The following GJD3 variants were observed in gnomAD, a reference collection of about 807,000 sequenced individuals.
GJD3 encodes gap junction protein delta 3, also known as gap junction delta-3 protein.
For synonymous variants in GJD3, 217 were observed against 226.7 expected (o/e 0.96, Z 0.38); for missense variants, 421 against 448.5 (o/e 0.94, Z 0.55).
chr17:40,362,899 G>T lies in GJD3; in HGVS notation c.*32C>A. 1 of 1,193,134 alleles carries T rather than the reference G, an allele frequency of 8.4e-7. No homozygotes were observed. 73.9% of individuals were successfully genotyped at this position (1,193,134 alleles called of 1,614,324 possible). On this transcript the variant is annotated 3_prime_UTR_variant, in exon 1 of 1. Transcript: ENST00000578689. ...GCGGAGGTGGCGGGGTCCGGCCCTCGCCGTCCAGTCCGCGCGAGGCGGTGC... is the reference window on the plus strand; with the variant it reads ...GCGGAGGTGGCGGGGTCCGGCCCTCTCCGTCCAGTCCGCGCGAGGCGGTGC...
In GJD3 at chr17:40,360,821, C is replaced by T. The variant is rs2034745911; in HGVS notation, c.*2110G>A. 3.2e-6 allele frequency: 1 copy of T among 316,682 alleles called. No individual in the cohort carries two copies. The highest frequency in any genetic ancestry group is 6.2e-6 in the Non-Finnish European group (1 of 162,008). 19.6% of individuals were successfully genotyped at this position (316,682 alleles called of 1,614,324 possible). ...TGAATACATCTGGAAAACAGCGGCA[C>T]AGCCCCATCTGGGTTTGTGTGGAGG... On this transcript the variant is annotated 3_prime_UTR_variant, in exon 1 of 1. Coordinates refer to ENST00000578689, the MANE Select transcript of GJD3 (RefSeq NM_152219.4).
In GJD3 at chr17:40,363,404, G is replaced by A. The variant is rs2034771199; in HGVS notation, c.412C>T (p.Leu138=). The A allele has an allele frequency of 3.7e-6, 5 of 1,338,100 alleles. No homozygotes were observed. The highest frequency in any genetic ancestry group is 3.9e-5 in the South Asian group (2 of 50,678). 82.9% of individuals were successfully genotyped at this position (1,338,100 alleles called of 1,614,324 possible). The change falls in exon 1 of 1, where the codon CTG becomes TTG. Residue 138 remains leucine (L), a synonymous_variant. Coordinates refer to ENST00000578689, the MANE Select transcript of GJD3 (RefSeq NM_152219.4). The surrounding 1 kb of genome is among the most constrained non-coding windows in gnomAD (Gnocchi z 5.5). The part of the protein sequence containing the change: ...RARRARRCYL[L]SVALRLLAEL... Reference sequence around the variant, plus strand: ...GCCAGCAGGCGCAGCGCCACGCTCAGCAGGTAGCAGCGGCGCGCGCGGCGG... The same window carrying A: ...GCCAGCAGGCGCAGCGCCACGCTCAACAGGTAGCAGCGGCGCGCGCGGCGG...
Position 40,361,698 on chromosome 17 carries a change from A to G in GJD3, c.*1233T>C, listed in dbSNP as rs1270838241. 6.6e-6 allele frequency among the ~76,000 whole-genome samples: 1 copy of G among 152,188 alleles called. No individual in the cohort carries two copies. Among genetic ancestry groups the G allele is most frequent in the East Asian group, 1.9e-4 (1 of 5,190 alleles). On this transcript the variant is annotated 3_prime_UTR_variant, in exon 1 of 1. Transcript: ENST00000578689. ...AGCAGCTCTTCGAATGCCCGCAAGTAGGAAGAAGGGGGTGGTTGGAAGGGA... is the reference window on the plus strand; with the variant it reads ...AGCAGCTCTTCGAATGCCCGCAAGTGGGAAGAAGGGGGTGGTTGGAAGGGA...
Position 40,363,546 on chromosome 17 carries a change from C to G in GJD3, c.270G>C (p.Val90=). 6.3e-7 allele frequency: 1 copy of G among 1,576,768 alleles called. No homozygotes were observed. Among genetic ancestry groups the G allele is most frequent in the South Asian group, 1.2e-5 (1 of 86,110 alleles). The change falls in exon 1 of 1, where the codon GTG becomes GTC. Residue 90 remains valine, a synonymous_variant. Transcript: ENST00000578689. This position sits in a 1 kb window ranked among gnomAD's most constrained non-coding sequence, Gnocchi z 5.5. ...GGTGCATGGAGTAGACGACGAACAG[C>G]ACCGGGGGCGCCGAGAGCAGCAGGA... is the stretch of plus-strand genomic sequence containing the variant. ...FHILLLSAPP[V]LFVVYSMHRA... is the part of the protein sequence containing the mutation.
At position 40,362,919 on chromosome 17, in the gene GJD3, C is replaced by A. The variant is rs2034765006; in HGVS notation, c.*12G>T. The stretch of plus-strand genomic sequence containing the variant: ...CCCTCGCCGTCCAGTCCGCGCGAGG[C>A]GGTGCCCGCCCCTAGATGGCCAGAT... On this transcript the variant is annotated 3_prime_UTR_variant, in exon 1 of 1. Coordinates refer to ENST00000578689, the MANE Select transcript of GJD3 (RefSeq NM_152219.4). 2 of 1,209,616 alleles carry A rather than the reference C, an allele frequency of 1.7e-6. No homozygotes were observed. Among genetic ancestry groups the A allele is most frequent in the Non-Finnish European group, 1.0e-6 (1 of 971,746 alleles). The allele number at this position is 1,209,616 out of a possible 1,614,324, so 74.9% of individuals were successfully genotyped here. A position where few individuals can be genotyped will look rare whatever the true frequency, so the allele number is the denominator to read the frequency against.
rs1220922034 is a variant in GJD3, at chr17:40,363,064, G to A, written c.752C>T (p.Pro251Leu). Reference sequence around the variant, plus strand: ...CGGCTCGGGGCCGGGGCGCCGGGAGGGCAGGGCCGGTGGCGGAGGTGGCGG... The same window carrying A: ...CGGCTCGGGGCCGGGGCGCCGGGAGAGCAGGGCCGGTGGCGGAGGTGGCGG... The part of the protein sequence containing the change: ...PPPPPPPPAL[P>L]SRRPGPEPCA... Residue 251 changes from proline (P) to leucine (L), a missense_variant, in exon 1 of 1, where the codon CCC becomes CTC. By Grantham distance (98) the Pro-to-Leu change is moderately conservative. Transcript: ENST00000578689. This position sits in a 1 kb window ranked among gnomAD's most constrained non-coding sequence, Gnocchi z 5.5. 4.0e-6 allele frequency: 5 copies of A among 1,253,958 alleles called. No homozygotes were observed. The highest frequency in any genetic ancestry group is 4.2e-5 in the Admixed American group (1 of 23,928). 77.7% of individuals were successfully genotyped at this position (1,253,958 alleles called of 1,614,324 possible).
At position 40,363,133 on chromosome 17, in the gene GJD3, T is replaced by C. The variant is rs2034768154; in HGVS notation, c.683A>G (p.Asn228Ser). Residue 228 changes from asparagine to serine, a missense_variant, in exon 1 of 1, where the codon AAC (asparagine) becomes AGC (serine). Physicochemically the swap from Asn to Ser is conservative, Grantham distance 46. Coordinates refer to ENST00000578689, the MANE Select transcript of GJD3 (RefSeq NM_152219.4). The surrounding 1 kb of genome is among the most constrained non-coding windows in gnomAD (Gnocchi z 5.5). ...CTTCTGCGCCTCTTCGTGTGCACGG[T>C]TGCAGCGGTTGTCACGCTCCCCGGC... ...PRAGERDNRC[N>S]RAHEEAQKLL... The C allele has an allele frequency of 2.4e-5, 34 of 1,398,960 alleles. No individual in the cohort carries two copies. The highest frequency in any genetic ancestry group is 6.1e-5 in the East Asian group (2 of 32,662). The allele number at this position is 1,398,960 out of a possible 1,614,324, so 86.7% of individuals were successfully genotyped here.
In GJD3 at chr17:40,361,977, C is replaced by T; in HGVS notation, c.*954G>A. Among the ~76,000 whole-genome samples, 1 of 151,772 alleles carries T rather than the reference C, an allele frequency of 6.6e-6. No homozygotes were observed. The highest frequency in any genetic ancestry group is 1.5e-5 in the Non-Finnish European group (1 of 67,902). ...AGGCTCCCGAGGATTGAGGCCTGCC[C>T]GGGGAAAGGGAGCCTCTCCTCCTCT... is the stretch of plus-strand genomic sequence containing the variant. On this transcript the variant is annotated 3_prime_UTR_variant, in exon 1 of 1. Coordinates refer to ENST00000578689, the MANE Select transcript of GJD3 (RefSeq NM_152219.4).
rs906124847 is a variant in GJD3 at position 40,363,838 on chromosome 17, G to T, written c.-23C>A. 2 of 1,563,718 alleles carry T rather than the reference G, an allele frequency of 1.3e-6. No individual in the cohort carries two copies. Among genetic ancestry groups the T allele is most frequent in the Non-Finnish European group, 1.7e-6 (2 of 1,154,912 alleles). On this transcript the variant is annotated 5_prime_UTR_variant, in exon 1 of 1. Transcript: ENST00000578689. This position sits in a 1 kb window ranked among gnomAD's most constrained non-coding sequence, Gnocchi z 5.5. ...CATGGCGCTGGGGACGCGGGGCGGG[G>T]AGTCAGGGGATGGGGCAAGTCAGGG... is the stretch of plus-strand genomic sequence containing the variant.
rs1232149746 is a variant in GJD3 at position 40,363,056 on chromosome 17, G to A, written c.760C>T (p.Arg254Cys). ...GGGGCGCACGGCTCGGGGCCGGGGC[G>A]CCGGGAGGGCAGGGCCGGTGGCGGA... ...PPPPPALPSR[R>C]PGPEPCAPPA... The change falls in exon 1 of 1, where the codon CGC becomes TGC. Residue 254 changes from arginine to cysteine, a missense_variant. By Grantham distance (180) the Arg-to-Cys change is radical (BLOSUM62 -3). Coordinates refer to ENST00000578689, the MANE Select transcript of GJD3 (RefSeq NM_152219.4). This position sits in a 1 kb window ranked among gnomAD's most constrained non-coding sequence, Gnocchi z 5.5. The A allele has an allele frequency of 9.8e-6, 12 of 1,229,804 alleles. No homozygotes were observed. Among genetic ancestry groups the A allele is most frequent in the Non-Finnish European group, 1.2e-5 (12 of 986,448 alleles). The allele number at this position is 1,229,804 out of a possible 1,614,324, so 76.2% of individuals were successfully genotyped here.
In GJD3 at chr17:40,363,623, A is replaced by G; in HGVS notation, c.193T>C (p.Cys65Arg). The G allele has an allele frequency of 1.2e-6, 2 of 1,604,664 alleles. No individual in the cohort carries two copies. The highest frequency in any genetic ancestry group is 3.3e-4 in the Middle Eastern group (2 of 6,052). The stretch of plus-strand genomic sequence containing the variant: ...GAGACCGGGAAGGCGCGGTCGTAGC[A>G]GGTCTGGCGACAGCCCGGCTGCAGC... ...NTLQPGCRQT[C>R]YDRAFPVSHY... Residue 65 changes from cysteine (C) to arginine (R), a missense_variant, in exon 1 of 1, where the codon TGC (cysteine) becomes CGC (arginine). Transcript: ENST00000578689. This position sits in a 1 kb window ranked among gnomAD's most constrained non-coding sequence, Gnocchi z 5.5.
Position 40,362,268 on chromosome 17 carries a change from CGT to C in GJD3, c.*661_*662del, listed in dbSNP as rs1230539170. 6.6e-6 allele frequency among the ~76,000 whole-genome samples: 1 copy of C among 152,102 alleles called. No homozygotes were observed. Among genetic ancestry groups the C allele is most frequent in the Non-Finnish European group, 1.5e-5 (1 of 68,004 alleles). On this transcript the variant is annotated 3_prime_UTR_variant, in exon 1 of 1. Coordinates refer to ENST00000578689, the MANE Select transcript of GJD3 (RefSeq NM_152219.4). The stretch of plus-strand genomic sequence containing the variant: ...GCAGCCCACACAGAATGGACATGTG[CGT>C]GTGTGCACAATGCACTCACACAAAG...
Position 40,363,545 on chromosome 17 carries a change from G to A in GJD3, c.271C>T (p.Leu91=). Reference sequence around the variant, plus strand: ...CGGTGCATGGAGTAGACGACGAACAGCACCGGGGGCGCCGAGAGCAGCAGG... The same window carrying A: ...CGGTGCATGGAGTAGACGACGAACAACACCGGGGGCGCCGAGAGCAGCAGG... ...HILLLSAPPV[L]FVVYSMHRAG... The change falls in exon 1 of 1, where the codon CTG becomes TTG. Residue 91 remains leucine, a synonymous_variant. Coordinates refer to ENST00000578689, the MANE Select transcript of GJD3 (RefSeq NM_152219.4). The surrounding 1 kb of genome is among the most constrained non-coding windows in gnomAD (Gnocchi z 5.5). 6.3e-7 allele frequency: 1 copy of A among 1,576,324 alleles called. No individual in the cohort carries two copies. Among genetic ancestry groups the A allele is most frequent in the Non-Finnish European group, 8.6e-7 (1 of 1,162,116 alleles).
Position 40,363,641 on chromosome 17 carries a change from G to T in GJD3, c.175C>A (p.Pro59Thr), listed in dbSNP as rs201955556. 944 of 1,605,938 alleles carry T rather than the reference G, an allele frequency of 5.9e-4. 5 individuals carry two copies. Among genetic ancestry groups the T allele is most frequent in the Non-Finnish European group, 3.5e-5 (41 of 1,177,072 alleles). The change falls in exon 1 of 1, where the codon CCG (proline) becomes ACG (threonine). Residue 59 changes from proline to threonine, a missense_variant. By Grantham distance (38) the Pro-to-Thr change is conservative. Transcript: ENST00000578689. The surrounding 1 kb of genome is among the most constrained non-coding windows in gnomAD (Gnocchi z 5.5). ...QEEFVCNTLQ[P>T]GCRQTCYDRA... ...TCGTAGCAGGTCTGGCGACAGCCCGGCTGCAGCGTGTTGCACACGAACTCC... is the reference window on the plus strand; with the variant it reads ...TCGTAGCAGGTCTGGCGACAGCCCGTCTGCAGCGTGTTGCACACGAACTCC...
At position 40,363,428 on chromosome 17, in the gene GJD3, GGGCGCGCAGGGCGCAC is replaced by G. The variant is rs2034771796; in HGVS notation, c.372_387del (p.Cys125AlafsTer9). 6.9e-6 allele frequency: 9 copies of G among 1,302,978 alleles called. No homozygotes were observed. Among genetic ancestry groups the G allele is most frequent in the East Asian group, 3.2e-5 (1 of 31,502 alleles). The allele number at this position is 1,302,978 out of a possible 1,614,324, so 80.7% of individuals were successfully genotyped here. ...AGCAGGTAGCAGCGGCGCGCGCGGC[GGGCGCGCAGGGCGCAC>G]GGCGCGCACTGGGCCTCGGGCAGTC... On this transcript the variant is annotated frameshift_variant, in exon 1 of 1. Transcript: ENST00000578689. LOFTEE classifies it low-confidence loss of function (END_TRUNC). This position sits in a 1 kb window ranked among gnomAD's most constrained non-coding sequence, Gnocchi z 5.5.
Position 40,363,943 on chromosome 17 carries a change from G to T in GJD3, c.-128C>A. 7.6e-7 allele frequency: 1 copy of T among 1,319,972 alleles called. No homozygotes were observed. The highest frequency in any genetic ancestry group is 1.0e-6 in the Non-Finnish European group (1 of 978,228). The allele number at this position is 1,319,972 out of a possible 1,614,324, so 81.8% of individuals were successfully genotyped here. A position where few individuals can be genotyped will look rare whatever the true frequency, so the allele number is the denominator to read the frequency against. Reference sequence around the variant, plus strand: ...TCAGGGTGAGTCGTGAGGTAGGAGAGGCCCGGGTTTAGCGATGAGACCAGT... The same window carrying T: ...TCAGGGTGAGTCGTGAGGTAGGAGATGCCCGGGTTTAGCGATGAGACCAGT... On this transcript the variant is annotated 5_prime_UTR_variant, in exon 1 of 1. Coordinates refer to ENST00000578689, the MANE Select transcript of GJD3 (RefSeq NM_152219.4). This position sits in a 1 kb window ranked among gnomAD's most constrained non-coding sequence, Gnocchi z 5.5.
Position 40,362,270 on chromosome 17 carries a change from T to C in GJD3, c.*661A>G, listed in dbSNP as rs1316695286. ...AGCCCACACAGAATGGACATGTGCG[T>C]GTGTGCACAATGCACTCACACAAAG... On this transcript the variant is annotated 3_prime_UTR_variant, in exon 1 of 1. Coordinates refer to ENST00000578689, the MANE Select transcript of GJD3 (RefSeq NM_152219.4). 6.6e-6 allele frequency among the ~76,000 whole-genome samples: 1 copy of C among 152,046 alleles called. No homozygotes were observed. The highest frequency in any genetic ancestry group is 2.4e-5 in the African/African-American group (1 of 41,366).
chr17:40,363,261 G>T lies in GJD3; in HGVS notation c.555C>A (p.Thr185=), dbSNP rs2034769510. The change falls in exon 1 of 1, where the codon ACC becomes ACA. Residue 185 remains threonine, a synonymous_variant. Transcript: ENST00000578689. This position sits in a 1 kb window ranked among gnomAD's most constrained non-coding sequence, Gnocchi z 5.5. Reference sequence around the variant, plus strand: ...AGAAGAGCACGAAGACGGTCTTCTCGGTGGGCCGGCTCACGAAGCAGTCGA... The same window carrying T: ...AGAAGAGCACGAAGACGGTCTTCTCTGTGGGCCGGCTCACGAAGCAGTCGA... The part of the protein sequence containing the change: ...HTVDCFVSRP[T]EKTVFVLFYF... 7 of 1,441,894 alleles carry T rather than the reference G, an allele frequency of 4.9e-6. No homozygotes were observed. Among genetic ancestry groups the T allele is most frequent in the Middle Eastern group, 1.8e-4 (1 of 5,668 alleles). 89.3% of individuals were successfully genotyped at this position (1,441,894 alleles called of 1,614,324 possible).
At position 40,363,279 on chromosome 17, in the gene GJD3, G is replaced by T; in HGVS notation, c.537C>A (p.Cys179Ter). 1 of 1,413,090 alleles carries T rather than the reference G, an allele frequency of 7.1e-7. No homozygotes were observed. The allele number at this position is 1,413,090 out of a possible 1,614,324, so 87.5% of individuals were successfully genotyped here. A position where few individuals can be genotyped will look rare whatever the true frequency, so the allele number is the denominator to read the frequency against. Residue 179 changes from cysteine (C) to a stop codon, truncating the protein, a stop_gained, in exon 1 of 1, where the codon TGC becomes TGA. Coordinates refer to ENST00000578689, the MANE Select transcript of GJD3 (RefSeq NM_152219.4). LOFTEE classifies it low-confidence loss of function (END_TRUNC). This position sits in a 1 kb window ranked among gnomAD's most constrained non-coding sequence, Gnocchi z 5.5. Reference sequence around the variant, plus strand: ...TCTTCTCGGTGGGCCGGCTCACGAAGCAGTCGACCGTGTGCGGGCAGGGCG... The same window carrying T: ...TCTTCTCGGTGGGCCGGCTCACGAATCAGTCGACCGTGTGCGGGCAGGGCG... ...AGPPCPHTVD[C>*]FVSRPTEKTV... is the part of the protein sequence containing the mutation.
Sources: allele counts gnomAD v4.1 joint callset (sites outside exome capture counted in the v4.1 genomes callset), GRCh38; gene constraint gnomAD v4.1.1; non-coding constraint Gnocchi (gnomAD v3.1); transcripts MANE v1.5; gene names NCBI Gene and HGNC (gene_info 2026-07-23, HGNC 2026-07-21).